PLXDC2: variants seen among roughly 807,000 people sequenced by gnomAD.
The protein encoded by PLXDC2 is plexin domain-containing protein 2.
In PLXDC2, 40 loss-of-function variants were observed where a neutral mutation model predicts 68.9. That is an observed-to-expected ratio of 0.58 (90% CI 0.45 to 0.76). The LOEUF is 0.76. Among genes scored for constraint, PLXDC2 ranks in the 30% least tolerant of loss-of-function variants. The probability of loss-of-function intolerance (pLI) is 0.00; values close to 1 mark genes in which losing one functional copy is unlikely to be tolerated. For missense variants in PLXDC2, 644 were observed against 661.9 expected, an observed-to-expected ratio of 0.97 and a Z score of 0.30; for synonymous variants, 243 against 234.2, an observed-to-expected ratio of 1.04 and a Z score of -0.34.
At chr10:20,152,022 A>G (rs1464222563) in intron 6 of PLXDC2, among the ~76,000 whole-genome samples, 1 of 152,122 alleles carries the variant, frequency 6.6e-6, no homozygotes, top group Non-Finnish European at 1.5e-5. Flanking sequence ...GAATAAATTT[A>G]GTTAAGTAAA....
At chr10:20,247,354 G>A in intron 13 of PLXDC2, among the ~76,000 whole-genome samples, 1 of 151,704 alleles carries the variant, frequency 6.6e-6, no homozygotes, top group South Asian at 2.1e-4. Flanking sequence ...GCACATGCCT[G>A]TAGTCCAAGC....
At chr10:20,029,351 A>G (rs1231231301) in intron 2 of PLXDC2, among the ~76,000 whole-genome samples, 2 of 152,128 alleles carry the variant, frequency 1.3e-5, no homozygotes, top group African/African-American at 2.4e-5. Flanking sequence ...CACATACATA[A>G]TCCATGCATC....
intron 3 of PLXDC2, among the ~76,000 whole-genome samples, chr10:20,064,295 A>G (rs1470121932): frequency 1.3e-5 from 2 of 149,766 alleles, no homozygotes; most frequent in South Asian, 2.1e-4. Context: ...ATCTTGGCTC[A>G]CTGAAAGCTC....
chr10:20,058,805 A>G (rs527895936), intron 3 of PLXDC2, among the ~76,000 whole-genome samples: 192 of 152,330 alleles, frequency 1.3e-3, no homozygotes, highest in African/African-American at 4.3e-3. Flanking sequence ...ACACTTGTCT[A>G]GCAGGAACCT....
At chr10:19,891,095 C>T (rs763611877) in intron 1 of PLXDC2, among the ~76,000 whole-genome samples, 1 of 152,120 alleles carries the variant, frequency 6.6e-6, no homozygotes, top group Non-Finnish European at 1.5e-5. Flanking sequence ...GATTGCTTCT[C>T]TTTTATGTCT....
At chr10:20,122,102 G>A (rs1339905882) in intron 4 of PLXDC2, among the ~76,000 whole-genome samples, 1 of 151,928 alleles carries the variant, frequency 6.6e-6, no homozygotes, top group Non-Finnish European at 1.5e-5. Context: ...GGAATAGTCA[G>A]GGAAGCAGAT....
At chr10:20,223,530 C>A (rs1263759678) in intron 12 of PLXDC2, among the ~76,000 whole-genome samples, 1 of 152,008 alleles carries the variant, frequency 6.6e-6, no homozygotes, top group Non-Finnish European at 1.5e-5. Context: ...CCAGGCTGGT[C>A]TTGAACTCCT....
chr10:20,207,668 C>A (rs1362627491), intron 9 of PLXDC2, among the ~76,000 whole-genome samples: 4 of 152,142 alleles, frequency 2.6e-5, no homozygotes, highest in Admixed American at 1.3e-4. Context: ...AGGGAGCACT[C>A]ATCTAACTCA....
chr10:19,988,968 G>T (rs572299518), intron 1 of PLXDC2, among the ~76,000 whole-genome samples: 1 of 151,272 alleles, frequency 6.6e-6, no homozygotes, highest in East Asian at 1.9e-4. Context: ...GCTAAATTTT[G>T]TACTTTTAGT....
rs1836348754 is a variant in PLXDC2, at chr10:19,816,705, A to G, written c.-375A>G. 2.8e-6 allele frequency: 1 copy of G among 359,318 alleles called. No homozygotes were observed. Among genetic ancestry groups the G allele is most frequent in the African/African-American group, 2.1e-5 (1 of 48,014 alleles). The allele number at this position is 359,318 out of a possible 1,614,324, so 22.3% of individuals were successfully genotyped here. ...ATTAGATCTGTTTTGAACCCAGTGG[A>G]GCGCATCGCTGGGGCTCGGAAGTCA... On this transcript the variant is annotated 5_prime_UTR_variant, in exon 1 of 14. Transcript: ENST00000377252.
At chr10:19,894,502 A>T (rs1297626354) in intron 1 of PLXDC2, among the ~76,000 whole-genome samples, 1 of 152,094 alleles carries the variant, frequency 6.6e-6, no homozygotes, top group African/African-American at 2.4e-5. Context: ...TTTTATTTGA[A>T]CTACTTTTCT....
intron 6 of PLXDC2, among the ~76,000 whole-genome samples, chr10:20,149,214 C>CTTTTTTT (rs71200985): frequency 8.9e-6 from 1 of 112,376 alleles, no homozygotes; most frequent in Non-Finnish European, 1.7e-5. Flanking sequence ...ATTTTTCTTT[C>CTTTTTTT]TTTTTTTTTC....
At chr10:20,279,307 T>C (rs550225565) in intron 13 of PLXDC2, among the ~76,000 whole-genome samples, 75 of 152,358 alleles carry the variant, frequency 4.9e-4, no homozygotes, top group African/African-American at 1.7e-3. Flanking sequence ...AATGAAGTGA[T>C]ATCAGTATTG....
At chr10:19,880,456 T>C (rs1275205579) in intron 1 of PLXDC2, among the ~76,000 whole-genome samples, 1 of 152,090 alleles carries the variant, frequency 6.6e-6, no homozygotes, top group Admixed American at 6.5e-5. Flanking sequence ...AACAGGACAG[T>C]GTAGTAAAAG....
intron 9 of PLXDC2, among the ~76,000 whole-genome samples, chr10:20,206,849 AACACAC>A (rs375925753): frequency 2.0e-5 from 3 of 149,544 alleles, no homozygotes; most frequent in African/African-American, 7.4e-5. Context: ...TGTGCTTTGA[AACACAC>A]ACACACACAC....
At chr10:19,967,746 G>A (rs748127887) in intron 1 of PLXDC2, among the ~76,000 whole-genome samples, 1 of 152,128 alleles carries the variant, frequency 6.6e-6, no homozygotes, top group Non-Finnish European at 1.5e-5. Context: ...TCATTTTAAA[G>A]CAGAGAAAAC....
intron 1 of PLXDC2, among the ~76,000 whole-genome samples, chr10:19,903,556 A>AT (rs1838193461): frequency 6.6e-6 from 1 of 150,474 alleles, no homozygotes; most frequent in Admixed American, 6.6e-5. Flanking sequence ...GCTTATTTGG[A>AT]TTTTTTTTCT....
chr10:19,975,232 A>G lies in PLXDC2; in HGVS notation c.113-26543A>G, dbSNP rs928163588. 1.3e-5 allele frequency among the ~76,000 whole-genome samples: 2 copies of G among 152,212 alleles called. 1 individual carries two copies. Among genetic ancestry groups the G allele is most frequent in the East Asian group, 3.9e-4 (2 of 5,162 alleles). ...CACTTTGGGAGGCTGAGGCGGGCGG[A>G]TCACGAGGTCAGGAGATTGAGACCA... is the stretch of plus-strand genomic sequence containing the variant. On this transcript the variant is annotated intron_variant, in intron 1 of 13. Transcript: ENST00000377252.
chr10:20,198,663 A>G (rs1483469514), intron 9 of PLXDC2, among the ~76,000 whole-genome samples: 1 of 152,124 alleles, frequency 6.6e-6, no homozygotes, highest in Non-Finnish European at 1.5e-5. Context: ...ACTTTCCAAC[A>G]TCATAAAAAA....
Sources: gnomAD v4.1 joint callset for allele counts (sites outside exome capture counted in the v4.1 genomes callset) on GRCh38, gnomAD v4.1.1 for gene constraint, MANE v1.5 for transcripts, NCBI Gene and HGNC (gene_info 2026-07-23, HGNC 2026-07-21) for gene names.